The following BRAF variants were observed in gnomAD, a reference collection of about 807,000 sequenced individuals.
BRAF encodes B-Raf proto-oncogene, serine/threonine kinase.
In BRAF, 16 loss-of-function variants were observed where a neutral mutation model predicts 104.6. The observed-to-expected ratio is 0.15, with a 90% CI of 0.10 to 0.23. The LOEUF (loss-of-function observed/expected upper bound fraction) is 0.23, where lower values mean the gene tolerates loss of function less well. Ranked by LOEUF, BRAF falls within the 10% of genes least tolerant of loss-of-function variation. The pLI is 1.00. For synonymous variants in BRAF, 310 were observed against 341.6 expected (o/e 0.91, Z 1.02); for missense variants, 541 against 937.3 (o/e 0.58, Z 5.52).
intron 1 of BRAF, among the ~76,000 whole-genome samples, chr7:140,898,669 A>G (rs554976185): frequency 6.6e-6 from 1 of 152,188 alleles, no homozygotes; most frequent in Non-Finnish European, 1.5e-5. Context: ...AATTATCTTA[A>G]AAGTCTCCCA....
chr7:140,750,600 G>C (rs1468656840), intron 16 of BRAF, among the ~76,000 whole-genome samples: 2 of 152,224 alleles, frequency 1.3e-5, no homozygotes, highest in African/African-American at 4.8e-5. Context: ...AAGTGAAGGA[G>C]AAGGTTGTAT....
At chr7:140,847,952 A>G (rs1416041000) in intron 2 of BRAF, among the ~76,000 whole-genome samples, 2 of 152,210 alleles carry the variant, frequency 1.3e-5, no homozygotes, top group Non-Finnish European at 2.9e-5. Context: ...CACATTGTAT[A>G]CCACAAGTCC....
rs1204328947 is a variant in BRAF at position 140,724,677 on chromosome 7, C to G, written c.*1817G>C. 1 of 1,034,096 alleles carries G rather than the reference C, an allele frequency of 9.7e-7. No individual in the cohort carries two copies. The highest frequency in any genetic ancestry group is 1.2e-6 in the Non-Finnish European group (1 of 859,460). The allele number at this position is 1,034,096 out of a possible 1,614,324, so 64.1% of individuals were successfully genotyped here. A position where few individuals can be genotyped will look rare whatever the true frequency, so the allele number is the denominator to read the frequency against. On this transcript the variant is annotated 3_prime_UTR_variant, in exon 20 of 20. Coordinates refer to ENST00000644969, the MANE Select transcript of BRAF (RefSeq NM_001374258.1). ...GAGCTTTTAGTGGCTGCAATATAGA[C>G]AGCAGGGCCTGGAGTTACAATCTGA...
chr7:140,821,603 A>T (rs1805495967), intron 3 of BRAF, among the ~76,000 whole-genome samples: 1 of 152,090 alleles, frequency 6.6e-6, no homozygotes, highest in African/African-American at 2.4e-5. Context: ...GCAAAGCTGC[A>T]GAGAAAAGGG....
chr7:140,817,721 C>G (rs1255377812), intron 3 of BRAF, among the ~76,000 whole-genome samples: 2 of 152,152 alleles, frequency 1.3e-5, no homozygotes, highest in African/African-American at 4.8e-5. Context: ...ATGATACTCC[C>G]TGTCCCAGGA....
chr7:140,836,935 T>C (rs959055559), intron 2 of BRAF, among the ~76,000 whole-genome samples: 1 of 152,188 alleles, frequency 6.6e-6, no homozygotes, highest in African/African-American at 2.4e-5. Flanking sequence ...GGAAAAGTAA[T>C]GAAAAGAACA....
intron 14 of BRAF, among the ~76,000 whole-genome samples, chr7:140,774,851 A>G (rs1342823675): frequency 6.6e-6 from 1 of 152,210 alleles, no homozygotes; most frequent in Non-Finnish European, 1.5e-5. Flanking sequence ...AGGATTTGGC[A>G]TCTCTTTCTT....
At chr7:140,779,546 A>T (rs2129021093) in intron 12 of BRAF, among the ~76,000 whole-genome samples, 1 of 152,322 alleles carries the variant, frequency 6.6e-6, no homozygotes, top group African/African-American at 2.4e-5. Context: ...CAAACATATG[A>T]AATCCTCCAA....
rs1209209164 is a variant in BRAF, at chr7:140,723,839, T to C, written c.*2655A>G. 4 of 1,046,068 alleles carry C rather than the reference T, an allele frequency of 3.8e-6. No homozygotes were observed. The highest frequency in any genetic ancestry group is 3.5e-6 in the Non-Finnish European group (3 of 867,244). The allele number at this position is 1,046,068 out of a possible 1,614,324, so 64.8% of individuals were successfully genotyped here. A position where few individuals can be genotyped will look rare whatever the true frequency, so the allele number is the denominator to read the frequency against. On this transcript the variant is annotated 3_prime_UTR_variant, in exon 20 of 20. Transcript: ENST00000644969. ...TTACTCATAAAGTGCTTTTCACAAA[T>C]AAGGACTTCTTCCTCGTTTTTTTAG...
chr7:140,920,566 C>T (rs1031463389), intron 1 of BRAF, among the ~76,000 whole-genome samples: 2 of 152,180 alleles, frequency 1.3e-5, no homozygotes, highest in African/African-American at 4.8e-5. Context: ...ATTTTTCTGG[C>T]CTATTATCCA....
Position 140,777,993 on chromosome 7 carries a change from G to A in BRAF, c.1635C>T (p.Leu545=), listed in dbSNP as rs1406956032. 1 of 1,613,206 alleles carries A rather than the reference G, an allele frequency of 6.2e-7. No individual in the cohort carries two copies. Among genetic ancestry groups the A allele is most frequent in the Non-Finnish European group, 8.5e-7 (1 of 1,179,608 alleles). The change falls in exon 13 of 20, where the codon CTC becomes CTT. Residue 545 remains leucine (L), a splice_region_variant and synonymous_variant. Transcript: ENST00000644969. ...AAGAGTAATTCACACAAGCTCACCTGAGTACTCCTACTTCATTTTTGAAGG... is the reference window on the plus strand; with the variant it reads ...AAGAGTAATTCACACAAGCTCACCTAAGTACTCCTACTTCATTTTTGAAGG... ...LQAFKNEVGV[L]RKTRHVNILL...
chr7:140,919,063 C>T (rs529200347), intron 1 of BRAF, among the ~76,000 whole-genome samples: 4 of 150,276 alleles, frequency 2.7e-5, no homozygotes, highest in Non-Finnish European at 4.4e-5. Flanking sequence ...GGCAGAAAGG[C>T]GTGAACCCGG....
intron 6 of BRAF, 69 bp downstream of exon 6, chr7:140,801,343 G>T (rs1427174997): frequency 1.9e-6 from 3 of 1,555,544 alleles, no homozygotes; most frequent in Non-Finnish European, 2.6e-6. Context: ...TTTAGACATC[G>T]TAGCTTCACA....
intron 1 of BRAF, among the ~76,000 whole-genome samples, chr7:140,910,978 C>G (rs1276812595): frequency 6.6e-6 from 1 of 152,100 alleles, no homozygotes. Context: ...ACGCTAACTT[C>G]GCAGGACTGA....
At chr7:140,734,807 G>GAAAAAAAAAAAAAAAAAAAA in intron 18 of BRAF, 37 bp from the exon 18 acceptor site, 1 of 870,212 alleles carries the variant, frequency 1.1e-6, no homozygotes, top group South Asian at 2.7e-5. Flanking sequence ...GAAAAAAAAA[G>GAAAAAAAAAAAAAAAAAAAA]AAAAAAGAAA....
intron 8 of BRAF, among the ~76,000 whole-genome samples, chr7:140,792,795 T>C (rs1427756876): frequency 6.6e-6 from 1 of 152,240 alleles, no homozygotes; most frequent in Non-Finnish European, 1.5e-5. Context: ...CCACAGTTAT[T>C]AGTAAATCTT....
intron 1 of BRAF, among the ~76,000 whole-genome samples, chr7:140,864,086 G>A (rs1017716214): frequency 6.6e-6 from 1 of 152,178 alleles, no homozygotes; most frequent in Non-Finnish European, 1.5e-5. Flanking sequence ...TATCACTCTA[G>A]TGAAGAATGG....
At chr7:140,837,742 C>T (rs192363686) in intron 2 of BRAF, among the ~76,000 whole-genome samples, 53 of 152,276 alleles carry the variant, frequency 3.5e-4, no homozygotes, top group African/African-American at 1.1e-3. Flanking sequence ...ACAGTTATTC[C>T]AATCTTCCTA....
chr7:140,924,519 C>T lies in BRAF; in HGVS notation c.138+47G>A, dbSNP rs1238767631. Reference sequence around the variant, plus strand: ...CTTTCCAAAATAAACACCAGCCAGCCGCCGAGCCCGGAGTCGGGAGGGCGG... The same window carrying T: ...CTTTCCAAAATAAACACCAGCCAGCTGCCGAGCCCGGAGTCGGGAGGGCGG... On this transcript the variant is annotated intron_variant, in intron 1 of 19. Coordinates refer to ENST00000644969, the MANE Select transcript of BRAF (RefSeq NM_001374258.1). The surrounding 1 kb of genome is among the most constrained non-coding windows in gnomAD (Gnocchi z 4.2). The T allele has an allele frequency of 3.9e-6, 6 of 1,532,822 alleles. No homozygotes were observed. The highest frequency in any genetic ancestry group is 5.2e-6 in the Non-Finnish European group (6 of 1,145,516). The allele number at this position is 1,532,822 out of a possible 1,614,324, so 95.0% of individuals were successfully genotyped here.
Sources: gnomAD v4.1 joint callset for allele counts (sites outside exome capture counted in the v4.1 genomes callset) on GRCh38, gnomAD v4.1.1 for gene constraint, Gnocchi (gnomAD v3.1) non-coding constraint, MANE v1.5 for transcripts, NCBI Gene and HGNC (gene_info 2026-07-23, HGNC 2026-07-21) for gene names.